The following SLC35F1 variants were observed in gnomAD, a reference collection of about 807,000 sequenced individuals.
The protein encoded by SLC35F1 is solute carrier family 35 member F1.
A neutral mutation model predicts 48.7 loss-of-function variants in SLC35F1; 14 were observed. The observed-to-expected ratio is 0.29, with a 90% CI of 0.19 to 0.45. SLC35F1 has a LOEUF of 0.45. Ranked by LOEUF, SLC35F1 falls within the 20% of genes least tolerant of loss-of-function variation. The pLI is 1.00. For synonymous variants in SLC35F1, 190 were observed against 202.2 expected (o/e 0.94, Z 0.51); for missense variants, 404 against 500.0 (o/e 0.81, Z 1.83).
intron 1 of SLC35F1, among the ~76,000 whole-genome samples, chr6:117,955,348 T>C (rs1187999890): frequency 6.6e-6 from 1 of 152,234 alleles, no homozygotes; most frequent in East Asian, 1.9e-4. Flanking sequence ...AAAGCTAAAC[T>C]TGGAACCTAT....
At chr6:118,231,702 A>C (rs907626568) in intron 2 of SLC35F1, among the ~76,000 whole-genome samples, 1 of 152,178 alleles carries the variant, frequency 6.6e-6, no homozygotes, top group Non-Finnish European at 1.5e-5. Context: ...CATTCCTTTG[A>C]ATCTATGTAA....
chr6:117,985,606 T>C (rs138664796), intron 1 of SLC35F1, among the ~76,000 whole-genome samples: 3,700 of 26,478 alleles, frequency 0.14, 68 homozygotes, highest in Non-Finnish European at 0.18. Flanking sequence ...TGTAGTTGAG[T>C]GGCATAACTA....
At chr6:117,963,361 G>A (rs62433676) in intron 1 of SLC35F1, among the ~76,000 whole-genome samples, 2 of 147,606 alleles carry the variant, frequency 1.4e-5, no homozygotes, top group Non-Finnish European at 3.0e-5. Context: ...TTTTTTTTTG[G>A]CTGCATATCA....
At chr6:118,011,924 T>A (rs1158937466) in intron 1 of SLC35F1, among the ~76,000 whole-genome samples, 1 of 152,164 alleles carries the variant, frequency 6.6e-6, no homozygotes, top group African/African-American at 2.4e-5. Context: ...TGTCTCTGCT[T>A]CTTAGAGGTC....
chr6:117,927,628 C>A (rs1776045696), intron 1 of SLC35F1, among the ~76,000 whole-genome samples: 1 of 152,150 alleles, frequency 6.6e-6, no homozygotes, highest in South Asian at 2.1e-4. Context: ...AGGTGTACAT[C>A]TTTTAGGGCA....
At chr6:118,256,253 T>TGA (rs1775644796) in intron 3 of SLC35F1, among the ~76,000 whole-genome samples, 1 of 132,750 alleles carries the variant, frequency 7.5e-6, no homozygotes, top group African/African-American at 2.8e-5. Context: ...TGTGTGTGTG[T>TGA]GACTGAAGTT....
chr6:118,274,022 G>A (rs558922846), intron 4 of SLC35F1, among the ~76,000 whole-genome samples: 1 of 152,356 alleles, frequency 6.6e-6, no homozygotes, highest in Non-Finnish European at 1.5e-5. Flanking sequence ...ATTCTTTGAT[G>A]TGAAGCCACT....
At chr6:117,923,247 G>A (rs1450705268) in intron 1 of SLC35F1, among the ~76,000 whole-genome samples, 1 of 151,874 alleles carries the variant, frequency 6.6e-6, no homozygotes, top group Non-Finnish European at 1.5e-5. Context: ...TAATGTGCTG[G>A]CACCTCAGAA....
intron 1 of SLC35F1, among the ~76,000 whole-genome samples, chr6:117,992,792 A>T (rs763650008): frequency 2.6e-5 from 4 of 152,248 alleles, no homozygotes; most frequent in Admixed American, 6.5e-5. Flanking sequence ...TTTTGAAATT[A>T]ATTGATAGAC....
In SLC35F1 at chr6:118,314,067, A is replaced by T. The variant is rs142091415; in HGVS notation, c.1042A>T (p.Ile348Phe). Residue 348 changes from isoleucine to phenylalanine, a missense_variant, in exon 8 of 8, where the codon ATT becomes TTT. This residue lies in a region of SLC35F1 where 306 missense variants were observed against 419.1 expected (regional missense o/e 0.73). Transcript: ENST00000360388. ...LYLLSFFTIL[I>F]GLVLYSSTST... ...TCTCCTGTCTTTCTTCACCATCCTC[A>T]TTGGGCTGGTGCTCTACTCCTCCAC... 32 of 1,613,778 alleles carry T rather than the reference A, an allele frequency of 2.0e-5. No homozygotes were observed. The highest frequency in any genetic ancestry group is 7.6e-6 in the Non-Finnish European group (9 of 1,179,986).
intron 1 of SLC35F1, among the ~76,000 whole-genome samples, chr6:118,030,439 G>C (rs1375195626): frequency 6.6e-6 from 1 of 152,192 alleles, no homozygotes; most frequent in East Asian, 1.9e-4. Flanking sequence ...TGTGGTCAGA[G>C]TAGTTTCTCA....
intron 1 of SLC35F1, among the ~76,000 whole-genome samples, chr6:118,130,495 C>G (rs1372993239): frequency 1.3e-5 from 2 of 152,010 alleles, no homozygotes; most frequent in Non-Finnish European, 2.9e-5. Flanking sequence ...AACGAACAAA[C>G]AAACAACAAT....
At chr6:117,973,077 A>G (rs766613521) in intron 1 of SLC35F1, among the ~76,000 whole-genome samples, 2 of 152,176 alleles carry the variant, frequency 1.3e-5, no homozygotes, top group African/African-American at 4.8e-5. Flanking sequence ...TTTTTTCACA[A>G]TATCTCACAG....
intron 1 of SLC35F1, among the ~76,000 whole-genome samples, chr6:117,917,690 A>G (rs919812393): frequency 2.7e-5 from 4 of 146,862 alleles, no homozygotes; most frequent in African/African-American, 9.8e-5. Flanking sequence ...TTTGGCAAGT[A>G]AAGTTAGAGA....
At chr6:117,964,928 G>A (rs1033605469) in intron 1 of SLC35F1, among the ~76,000 whole-genome samples, 25 of 152,196 alleles carry the variant, frequency 1.6e-4, no homozygotes, top group African/African-American at 5.5e-4. Context: ...GGGAATAAAT[G>A]TAACTACATG....
intron 1 of SLC35F1, among the ~76,000 whole-genome samples, chr6:118,100,533 A>G (rs1295579965): frequency 6.6e-6 from 1 of 152,190 alleles, no homozygotes; most frequent in Non-Finnish European, 1.5e-5. Context: ...TTATAGCAAA[A>G]GTATCAACAT....
intron 1 of SLC35F1, among the ~76,000 whole-genome samples, chr6:118,144,235 C>T (rs774390792): frequency 1.3e-5 from 2 of 152,168 alleles, no homozygotes; most frequent in African/African-American, 2.4e-5. Context: ...GGTACACATA[C>T]ACTACAGAAT....
chr6:118,160,898 ATT>A (rs5879450), intron 2 of SLC35F1, among the ~76,000 whole-genome samples: 15 of 143,852 alleles, frequency 1.0e-4, no homozygotes, highest in African/African-American at 2.3e-4. Flanking sequence ...GTATCCTGCT[ATT>A]TTTTTTTTTT....
rs1554245938 is a variant in SLC35F1, at chr6:118,297,653, A to AAT, written c.1002+12323_1002+12324dup. ...ATATATATATAAAAAATATATATAT[A>AAT]ATATATATAATATTATATAAGTTCT... On this transcript the variant is annotated intron_variant, in intron 7 of 7. Transcript: ENST00000360388. Among the ~76,000 whole-genome samples the AAT allele has an allele frequency of 2.5e-3, 305 of 120,594 alleles. 4 individuals are homozygous for AAT. Among genetic ancestry groups the AAT allele is most frequent in the South Asian group, 0.012 (47 of 3,932 alleles). The allele number at this position is 120,594 out of a possible 152,430, so 79.1% of individuals were successfully genotyped here. A position where few individuals can be genotyped will look rare whatever the true frequency, so the allele number is the denominator to read the frequency against.
Sources: allele counts gnomAD v4.1 joint callset (sites outside exome capture counted in the v4.1 genomes callset), GRCh38; gene constraint gnomAD v4.1.1; regional missense constraint gnomAD v4.1.1; transcripts MANE v1.5; gene names NCBI Gene and HGNC (gene_info 2026-07-23, HGNC 2026-07-21).